Variants in SOAT1 observed in about 807,000 individuals in gnomAD.
SOAT1 encodes acyl-coenzyme A:cholesterol acyltransferase 1.
SOAT1 carries 55 observed loss-of-function variants against 69.5 expected under a neutral mutation model. That is an observed-to-expected ratio of 0.79 (90% CI 0.64 to 0.99). The LOEUF (loss-of-function observed/expected upper bound fraction) is 0.99. Ranked by LOEUF, SOAT1 falls within the 50% of genes least tolerant of loss-of-function variation. The pLI, the probability that SOAT1 is intolerant of heterozygous loss-of-function variation, is 0.00. For missense variants in SOAT1, 580 were observed against 669.3 expected (o/e 0.87, Z 1.47); for synonymous variants, 231 against 224.7 (o/e 1.03, Z -0.25).
intron 15 of SOAT1, among the ~76,000 whole-genome samples, chr1:179,352,894 A>G (rs1044186727): frequency 6.6e-6 from 1 of 151,586 alleles, no homozygotes; most frequent in Non-Finnish European, 1.5e-5. Context: ...TGGATTCCAC[A>G]TGTCAGATTT....
At chr1:179,336,992 C>A (rs1357864313) in intron 4 of SOAT1, among the ~76,000 whole-genome samples, 67 of 141,626 alleles carry the variant, frequency 4.7e-4, no homozygotes, top group Non-Finnish European at 4.3e-4. Flanking sequence ...GAGACTGACT[C>A]AAAAAAAAAA....
chr1:179,347,199 A>G (rs1313923974), intron 11 of SOAT1, among the ~76,000 whole-genome samples: 1 of 152,098 alleles, frequency 6.6e-6, no homozygotes, highest in African/African-American at 2.4e-5. Flanking sequence ...TCTACTAAAA[A>G]TACAAAAAAT....
At chr1:179,318,031 A>G (rs894687343) in intron 2 of SOAT1, among the ~76,000 whole-genome samples, 15 of 151,940 alleles carry the variant, frequency 9.9e-5, no homozygotes, top group Admixed American at 9.8e-4. Flanking sequence ...TCTCTACAAA[A>G]CACTTAAAAA....
At position 179,358,278 on chromosome 1, in the gene SOAT1, A is replaced by C. The variant is rs781261682; in HGVS notation, c.*4637A>C. The C allele has an allele frequency of 8.5e-5, 13 of 152,158 alleles. No homozygotes were observed. Among genetic ancestry groups the C allele is most frequent in the Non-Finnish European group, 1.5e-4 (10 of 68,016 alleles). The allele number at this position is 152,158 out of a possible 1,614,324, so 9.4% of individuals were successfully genotyped here. Reference sequence around the variant, plus strand: ...AAACTTCTGTACTGTTTTTTTCTTAAGTGCTCTCTTCCTTATTTCTACATT... The same window carrying C: ...AAACTTCTGTACTGTTTTTTTCTTACGTGCTCTCTTCCTTATTTCTACATT... On this transcript the variant is annotated 3_prime_UTR_variant, in exon 16 of 16. Coordinates refer to ENST00000367619, the MANE Select transcript of SOAT1 (RefSeq NM_003101.6).
At chr1:179,298,303 T>C (rs1664721807) in intron 1 of SOAT1, among the ~76,000 whole-genome samples, 1 of 152,004 alleles carries the variant, frequency 6.6e-6, no homozygotes. Flanking sequence ...CTAGCCAGGA[T>C]GGTCTCGATC....
rs71901753 is a variant in SOAT1, at chr1:179,351,721, A to ATTTTTTTTTTTTTTTTTTTTT, written c.1596+275_1596+276insTTTTTTTTTTTTTTTTTTTTT. On this transcript the variant is annotated intron_variant, in intron 15 of 15. Coordinates refer to ENST00000367619, the MANE Select transcript of SOAT1 (RefSeq NM_003101.6). ...ACTGCCTTTTCTTCAGCCCCTTCTA[A>ATTTTTTTTTTTTTTTTTTTTT]TTTTTTTTTTTTTTTTGAGACAGAG... is the stretch of plus-strand genomic sequence containing the variant. Among the ~76,000 whole-genome samples, 477 of 106,412 alleles carry ATTTTTTTTTTTTTTTTTTTTT rather than the reference A, an allele frequency of 4.5e-3. 75 individuals are homozygous for ATTTTTTTTTTTTTTTTTTTTT. The highest frequency in any genetic ancestry group is 0.018 in the African/African-American group (454 of 25,114). 69.8% of individuals were successfully genotyped at this position (106,412 alleles called of 152,430 possible).
chr1:179,318,532 G>A (rs12404921), intron 2 of SOAT1, among the ~76,000 whole-genome samples: 1 of 152,030 alleles, frequency 6.6e-6, no homozygotes, highest in Non-Finnish European at 1.5e-5. Context: ...TTTCAGAACA[G>A]AGAAATTAGA....
intron 11 of SOAT1, among the ~76,000 whole-genome samples, chr1:179,345,838 C>T (rs1226840142): frequency 1.3e-5 from 2 of 152,184 alleles, no homozygotes; most frequent in Non-Finnish European, 2.9e-5. Context: ...GCTTGAGCCA[C>T]CATGCTTGGC....
rs1666325511 is a variant in SOAT1, at chr1:179,341,189, C to T, written c.659C>T (p.Ser220Phe). 2.5e-6 allele frequency: 4 copies of T among 1,613,970 alleles called. No individual in the cohort carries two copies. The highest frequency in any genetic ancestry group is 3.3e-5 in the Admixed American group (2 of 59,974). ...AAGAGTTCTCATCCGCTGATCCGTT[C>T]TCTCTTCCATGGCTTTCTTTTCATG... ...YSKSSHPLIRSLFHGFLFMIF... is the reference protein window; with the variant it reads ...YSKSSHPLIRFLFHGFLFMIF... The change falls in exon 7 of 16, where the codon TCT (serine) becomes TTT (phenylalanine). Residue 220 changes from serine to phenylalanine, a missense_variant. By Grantham distance (155) the Ser-to-Phe change is radical (BLOSUM62 -2). Transcript: ENST00000367619.
At chr1:179,319,721 A>G (rs75505754) in intron 2 of SOAT1, among the ~76,000 whole-genome samples, 2,685 of 152,176 alleles carry the variant, frequency 0.018, 84 homozygotes, top group African/African-American at 0.061. Flanking sequence ...GGTTCAAGCG[A>G]TTCTCTCACC....
intron 7 of SOAT1, among the ~76,000 whole-genome samples, chr1:179,341,602 T>C (rs945595193): frequency 1.3e-4 from 19 of 151,540 alleles, no homozygotes; most frequent in African/African-American, 4.6e-4. Flanking sequence ...TGGCACCATC[T>C]CGGCTCACTG....
intron 2 of SOAT1, among the ~76,000 whole-genome samples, chr1:179,306,830 C>CAGAAAAAAAAAAA (rs1553243339): frequency 1.0e-5 from 1 of 96,654 alleles, no homozygotes. Flanking sequence ...GACTCCATCT[C>CAGAAAAAAAAAAA]AAAAAAAAAA....
intron 3 of SOAT1, among the ~76,000 whole-genome samples, chr1:179,332,596 G>A (rs763944987): frequency 6.6e-6 from 1 of 151,804 alleles, no homozygotes; most frequent in Non-Finnish European, 1.5e-5. Flanking sequence ...ATCTGTCATG[G>A]TGCTAGGGCT....
At chr1:179,320,001 T>TC (rs950940108) in intron 2 of SOAT1, among the ~76,000 whole-genome samples, 1 of 152,110 alleles carries the variant, frequency 6.6e-6, no homozygotes, top group African/African-American at 2.4e-5. Flanking sequence ...TTTTTTTTTT[T>TC]CCCATTCTAT....
chr1:179,338,518 A>G (rs1035785509), intron 5 of SOAT1, among the ~76,000 whole-genome samples: 1 of 152,216 alleles, frequency 6.6e-6, no homozygotes, highest in Non-Finnish European at 1.5e-5. Flanking sequence ...CCCCTAGATA[A>G]GAAGGCCGGT....
At chr1:179,338,990 G>T (rs944435678) in intron 5 of SOAT1, among the ~76,000 whole-genome samples, 4 of 152,002 alleles carry the variant, frequency 2.6e-5, no homozygotes, top group Admixed American at 2.6e-4. Context: ...TATTCTAAAA[G>T]AAAATTAGAC....
chr1:179,336,544 A>G (rs1406541841), intron 4 of SOAT1, among the ~76,000 whole-genome samples: 1 of 151,830 alleles, frequency 6.6e-6, no homozygotes, highest in Admixed American at 6.6e-5. Flanking sequence ...GCTCTACATG[A>G]TGAATTCATT....
intron 4 of SOAT1, among the ~76,000 whole-genome samples, chr1:179,336,470 CAAAA>C (rs71569242): frequency 8.9e-5 from 7 of 79,068 alleles, no homozygotes; most frequent in East Asian, 3.5e-4. Context: ...ACCCTGTCTC[CAAAA>C]AAAAAAAAAA....
At chr1:179,320,301 A>G (rs1005097554) in intron 2 of SOAT1, among the ~76,000 whole-genome samples, 2 of 151,940 alleles carry the variant, frequency 1.3e-5, no homozygotes, top group African/African-American at 4.8e-5. Flanking sequence ...ATCTTTCCGC[A>G]TTTTTCTTGG....
Sources: gnomAD v4.1 joint callset for allele counts (sites outside exome capture counted in the v4.1 genomes callset) on GRCh38, gnomAD v4.1.1 for gene constraint, MANE v1.5 for transcripts, NCBI Gene and HGNC (gene_info 2026-07-23, HGNC 2026-07-21) for gene names.